KIAA1549L: variants seen among roughly 807,000 people sequenced by gnomAD.
The protein encoded by KIAA1549L is UPF0606 protein KIAA1549L.
In KIAA1549L, 88 loss-of-function variants were observed where a neutral mutation model predicts 160.7. That is an observed-to-expected ratio of 0.55 (90% CI 0.46 to 0.65). KIAA1549L has a LOEUF of 0.65. Among genes scored for constraint, KIAA1549L ranks in the 30% least tolerant of loss-of-function variants. KIAA1549L has a pLI of 0.00. For synonymous variants in KIAA1549L, 950 were observed against 976.7 expected, an observed-to-expected ratio of 0.97 and a Z score of 0.51; for missense variants, 2,258 against 2,437.5, an observed-to-expected ratio of 0.93 and a Z score of 1.55.
chr11:33,447,031 G>C (rs929812019), intron 1 of KIAA1549L, among the ~76,000 whole-genome samples: 1 of 152,098 alleles, frequency 6.6e-6, no homozygotes, highest in Non-Finnish European at 1.5e-5. Flanking sequence ...ACATATAATC[G>C]TACAAAAAGT....
intron 1 of KIAA1549L, among the ~76,000 whole-genome samples, chr11:33,444,274 C>A (rs978952135): frequency 6.6e-5 from 10 of 152,084 alleles, no homozygotes; most frequent in Non-Finnish European, 1.3e-4. Context: ...AATTGAACAT[C>A]CTTAGAAGAC....
At chr11:33,402,456 C>A (rs1465518860) in intron 1 of KIAA1549L, among the ~76,000 whole-genome samples, 5 of 152,176 alleles carry the variant, frequency 3.3e-5, no homozygotes, top group African/African-American at 1.2e-4. Flanking sequence ...TGTGGTCCTT[C>A]TCCCTCTGTA....
At chr11:33,662,288 G>C (rs1852292045) in intron 20 of KIAA1549L, among the ~76,000 whole-genome samples, 1 of 152,084 alleles carries the variant, frequency 6.6e-6, no homozygotes. Flanking sequence ...CCCACATCTA[G>C]TAATATGCCC....
At position 33,672,094 on chromosome 11, in the gene KIAA1549L, C is replaced by A. The variant is rs1021595595; in HGVS notation, c.*3940C>A. 6.6e-6 allele frequency: 1 copy of A among 152,250 alleles called. No individual in the cohort carries two copies. The highest frequency in any genetic ancestry group is 1.5e-5 in the Non-Finnish European group (1 of 68,052). The allele number at this position is 152,250 out of a possible 1,614,324, so 9.4% of individuals were successfully genotyped here. The stretch of plus-strand genomic sequence containing the variant: ...AGAATAGAGGGACATTTCACAAACA[C>A]AGAACACGGCTCCCCTACAGGAAAG... On this transcript the variant is annotated 3_prime_UTR_variant, in exon 21 of 21. Coordinates refer to ENST00000658780, the MANE Select transcript of KIAA1549L (RefSeq NM_012194.3).
At chr11:33,530,437 ATATATAT>A (rs1168974271) in intron 1 of KIAA1549L, among the ~76,000 whole-genome samples, 5 of 3,180 alleles carry the variant, frequency 1.6e-3, no homozygotes, top group Non-Finnish European at 2.6e-3. Context: ...AAAAAAAAAA[ATATATAT>A]ATATATATAT....
At chr11:33,572,468 T>C (rs745681930) in intron 9 of KIAA1549L, among the ~76,000 whole-genome samples, 2 of 152,226 alleles carry the variant, frequency 1.3e-5, no homozygotes, top group African/African-American at 4.8e-5. Context: ...AACACTTCCA[T>C]AAGGTTTTCT....
In KIAA1549L at chr11:33,437,260, T is replaced by C. The variant is rs147347932; in HGVS notation, c.238+60371T>C. ...AATTAGCTTGACAAAGTGGCTTTAC[T>C]CTGGGGTTGTAGCCTTTCGTGGTTG... On this transcript the variant is annotated intron_variant, in intron 1 of 20. Transcript: ENST00000658780. Among the ~76,000 whole-genome samples, 488 of 152,246 alleles carry C rather than the reference T, an allele frequency of 3.2e-3. 2 individuals carry two copies. Among genetic ancestry groups the C allele is most frequent in the African/African-American group, 0.011 (456 of 41,524 alleles).
At chr11:33,603,095 G>T (rs1339765348) in intron 13 of KIAA1549L, among the ~76,000 whole-genome samples, 1 of 152,060 alleles carries the variant, frequency 6.6e-6, no homozygotes, top group East Asian at 1.9e-4. Context: ...CTTCTGCATG[G>T]TTACCTGTTC....
chr11:33,598,164 CAGTTAGAG>C (rs1430667500), intron 12 of KIAA1549L, among the ~76,000 whole-genome samples: 2 of 149,522 alleles, frequency 1.3e-5, no homozygotes, highest in African/African-American at 5.0e-5. Context: ...GCAGTTGCCA[CAGTTAGAG>C]AGTTAGAGAG....
chr11:33,589,656 C>T (rs1375447446), intron 11 of KIAA1549L, among the ~76,000 whole-genome samples: 1 of 151,154 alleles, frequency 6.6e-6, no homozygotes, highest in East Asian at 2.0e-4. Flanking sequence ...CAAACTATCG[C>T]AAGGACAAAA....
chr11:33,464,074 A>G (rs543561469), intron 1 of KIAA1549L, among the ~76,000 whole-genome samples: 16 of 152,364 alleles, frequency 1.1e-4, no homozygotes, highest in African/African-American at 3.6e-4. Flanking sequence ...CACTGTGAGC[A>G]GATATTATTA....
At chr11:33,407,378 G>A (rs758277009) in intron 1 of KIAA1549L, among the ~76,000 whole-genome samples, 1 of 151,948 alleles carries the variant, frequency 6.6e-6, no homozygotes, top group African/African-American at 2.4e-5. Flanking sequence ...GTCTCACTCT[G>A]TCGCTTAGGC....
chr11:33,538,206 G>A (rs1042519293), intron 1 of KIAA1549L, among the ~76,000 whole-genome samples: 1 of 152,196 alleles, frequency 6.6e-6, no homozygotes, highest in Non-Finnish European at 1.5e-5. Flanking sequence ...TGAGAACAGC[G>A]TGGAGGAAAC....
chr11:33,607,962 G>A (rs940361020), intron 14 of KIAA1549L, among the ~76,000 whole-genome samples: 1 of 152,186 alleles, frequency 6.6e-6, no homozygotes, highest in African/African-American at 2.4e-5. Flanking sequence ...GAAGCTTGAG[G>A]GGTCCAGTGG....
At chr11:33,660,819 G>C (rs1852234088) in intron 19 of KIAA1549L, 44 bp from the exon 20 acceptor site, 7 of 1,600,216 alleles carry the variant, frequency 4.4e-6, no homozygotes, top group Admixed American at 1.7e-5. Context: ...GGATCCCTCA[G>C]ACCAGCCTCT....
intron 18 of KIAA1549L, among the ~76,000 whole-genome samples, chr11:33,657,306 A>C (rs1852098658): frequency 6.6e-6 from 1 of 152,128 alleles, no homozygotes; most frequent in Non-Finnish European, 1.5e-5. Flanking sequence ...GGTTTGCTGA[A>C]GGCCAGCATC....
Position 33,544,931 on chromosome 11 carries a change from A to G in KIAA1549L, c.2938A>G (p.Thr980Ala), listed in dbSNP as rs2133182757. ...SGPAKSSSMT[T>A]LAKNVTNKAA... is the part of the protein sequence containing the mutation. ...ACCAGCTAAGAGCAGTTCGATGACTACTCTTGCTAAAAATGTCACAAACAA... is the reference window on the plus strand; with the variant it reads ...ACCAGCTAAGAGCAGTTCGATGACTGCTCTTGCTAAAAATGTCACAAACAA... The change falls in exon 3 of 21, where the codon ACT becomes GCT. Residue 980 changes from threonine (T) to alanine (A), a missense_variant. Coordinates refer to ENST00000658780, the MANE Select transcript of KIAA1549L (RefSeq NM_012194.3). 6.2e-7 allele frequency: 1 copy of G among 1,613,456 alleles called. No homozygotes were observed. Among genetic ancestry groups the G allele is most frequent in the Non-Finnish European group, 8.5e-7 (1 of 1,179,638 alleles).
At chr11:33,489,001 C>A (rs1338925966) in intron 1 of KIAA1549L, among the ~76,000 whole-genome samples, 1 of 152,206 alleles carries the variant, frequency 6.6e-6, no homozygotes, top group Non-Finnish European at 1.5e-5. Context: ...GTTAAATCCT[C>A]ACAACAACCC....
At chr11:33,554,183 A>G (rs1464726989) in intron 6 of KIAA1549L, among the ~76,000 whole-genome samples, 2 of 152,134 alleles carry the variant, frequency 1.3e-5, no homozygotes, top group East Asian at 3.9e-4. Flanking sequence ...CTGTTTTTGT[A>G]ATTAATAACT....
Sources: allele counts gnomAD v4.1 joint callset (sites outside exome capture counted in the v4.1 genomes callset), GRCh38; gene constraint gnomAD v4.1.1; transcripts MANE v1.5; gene names NCBI Gene and HGNC (gene_info 2026-07-23, HGNC 2026-07-21).